ESR2: variants seen among roughly 807,000 people sequenced by gnomAD.
The protein encoded by ESR2 is estrogen receptor 2, also known as estrogen receptor beta.
Under a neutral mutation model 49.6 loss-of-function variants are expected in ESR2, and 36 were observed. The ratio of observed to expected loss-of-function variants is 0.73; its 90% CI spans 0.56 to 0.96. The LOEUF is 0.96. Among genes scored for constraint, ESR2 ranks in the 40% least tolerant of loss-of-function variants. The pLI is 0.00. For missense variants in ESR2, 714 were observed against 693.0 expected (o/e 1.03, Z -0.34); for synonymous variants, 320 against 266.1 (o/e 1.20, Z -1.97).
rs1372094859 is a variant in ESR2, at chr14:64,228,698, G to A, written c.*4439C>T. Among the ~76,000 whole-genome samples, 2 of 152,242 alleles carry A rather than the reference G, an allele frequency of 1.3e-5. No homozygotes were observed. Among genetic ancestry groups the A allele is most frequent in the Admixed American group, 6.5e-5 (1 of 15,294 alleles). On this transcript the variant is annotated 3_prime_UTR_variant, in exon 9 of 9. Coordinates refer to ENST00000341099, the MANE Select transcript of ESR2 (RefSeq NM_001437.3). ...CAGTTAACAGGAACTGTTCGCGGCT[G>A]GTATCACCACTCCTTATGTGCTTCC...
intron 1 of ESR2, among the ~76,000 whole-genome samples, chr14:64,284,484 A>G (rs1327595973): frequency 6.7e-6 from 1 of 148,500 alleles, no homozygotes; most frequent in Non-Finnish European, 1.5e-5. Context: ...ACACCACCAC[A>G]CTAATTTTTG....
intron 1 of ESR2, among the ~76,000 whole-genome samples, chr14:64,327,253 T>C (rs572232518): frequency 6.6e-6 from 1 of 152,240 alleles, no homozygotes; most frequent in South Asian, 2.1e-4. Flanking sequence ...AAAAGAAATG[T>C]CCCCTTTTAA....
intron 1 of ESR2, among the ~76,000 whole-genome samples, chr14:64,286,565 G>T (rs1378718582): frequency 6.6e-6 from 1 of 152,104 alleles, no homozygotes; most frequent in Non-Finnish European, 1.5e-5. Flanking sequence ...GCCTCCCAAA[G>T]TGCTGGGATT....
chr14:64,269,648 G>C (rs558806342), intron 3 of ESR2, among the ~76,000 whole-genome samples: 1 of 152,122 alleles, frequency 6.6e-6, no homozygotes, highest in Non-Finnish European at 1.5e-5. Flanking sequence ...GGGACATGTG[G>C]AACAGACCTG....
At chr14:64,269,570 G>C (rs1439567960) in intron 3 of ESR2, among the ~76,000 whole-genome samples, 2 of 152,164 alleles carry the variant, frequency 1.3e-5, no homozygotes, top group African/African-American at 4.8e-5. Context: ...CAATAGATGT[G>C]CTGCTCCAAC....
chr14:64,267,720 C>CA (rs550076289), intron 4 of ESR2, among the ~76,000 whole-genome samples: 13,006 of 133,690 alleles, frequency 0.097, 600 homozygotes, highest in Non-Finnish European at 0.11. Flanking sequence ...ACTAAAAATA[C>CA]AAAAAAAAAA....
chr14:64,259,466 G>T (rs138495197), intron 5 of ESR2, among the ~76,000 whole-genome samples: 100 of 152,348 alleles, frequency 6.6e-4, no homozygotes, highest in African/African-American at 2.3e-3. Context: ...GAACAGCATG[G>T]AGAAGCTGTC....
intron 4 of ESR2, among the ~76,000 whole-genome samples, chr14:64,267,120 T>C (rs1189773429): frequency 6.6e-6 from 1 of 152,172 alleles, no homozygotes; most frequent in Non-Finnish European, 1.5e-5. Flanking sequence ...ACCTCATGAT[T>C]TGCATGCCTT....
At chr14:64,301,060 T>C (rs1470880535) in intron 1 of ESR2, among the ~76,000 whole-genome samples, 2 of 152,188 alleles carry the variant, frequency 1.3e-5, no homozygotes, top group Non-Finnish European at 2.9e-5. Context: ...ATTTTACAGA[T>C]GAGAAGATTA....
intron 5 of ESR2, 49 bp downstream of exon 5, chr14:64,260,400 G>C: frequency 1.3e-6 from 2 of 1,489,168 alleles, no homozygotes; most frequent in Middle Eastern, 1.8e-4. Context: ...AATATTAGCG[G>C]CCGGCCTTTC....
In ESR2 at chr14:64,252,946, C is replaced by A. The variant is rs146838895; in HGVS notation, c.1092-3267G>T. On this transcript the variant is annotated intron_variant, in intron 6 of 8. Coordinates refer to ENST00000341099, the MANE Select transcript of ESR2 (RefSeq NM_001437.3). ...TCTCTGCTCTCTGCAACCTCCTCCT[C>A]CTAGGTTCAAGTGATTCTCCTGCCT... is the stretch of plus-strand genomic sequence containing the variant. Among the ~76,000 whole-genome samples, 81 of 152,210 alleles carry A rather than the reference C, an allele frequency of 5.3e-4. 1 individual carries two copies. In the East Asian group the frequency reaches 0.015, roughly 28 times the overall value.
In ESR2 at chr14:64,235,092, G is replaced by A; in HGVS notation, c.1284C>T (p.His428=). The A allele has an allele frequency of 1.2e-6, 2 of 1,614,220 alleles. No homozygotes were observed. Among genetic ancestry groups the A allele is most frequent in the Non-Finnish European group, 8.5e-7 (1 of 1,180,038 alleles). ...QDADSSRKLA[H]LLNAVTDALV... ...AAGCATCGGTCACGGCGTTCAGCAA[G>A]TGAGCCAGCTTCCGGCTGCTGTCAG... Residue 428 remains histidine, a synonymous_variant, in exon 8 of 9, where the codon CAC becomes CAT. Coordinates refer to ENST00000341099, the MANE Select transcript of ESR2 (RefSeq NM_001437.3).
chr14:64,227,358 A>G (rs2098722340), downstream of ESR2: 4 of 691,058 alleles, frequency 5.8e-6, no homozygotes, highest in Non-Finnish European at 7.2e-6. Context: ...ACAGTTATCA[A>G]ATTGTTGGAT....
At chr14:64,303,044 C>T (rs1006273239) in intron 1 of ESR2, among the ~76,000 whole-genome samples, 7 of 152,128 alleles carry the variant, frequency 4.6e-5, no homozygotes, top group African/African-American at 1.7e-4. Context: ...AGGTAATCCT[C>T]CTGCCATGGC....
intron 1 of ESR2, among the ~76,000 whole-genome samples, chr14:64,307,820 C>T (rs1204558076): frequency 1.3e-5 from 2 of 152,194 alleles, no homozygotes; most frequent in Non-Finnish European, 2.9e-5. Flanking sequence ...AGGCGTGAGC[C>T]ACCATGCCCG....
In ESR2 at chr14:64,229,537, C is replaced by G. The variant is rs181936723; in HGVS notation, c.*3600G>C. On this transcript the variant is annotated 3_prime_UTR_variant, in exon 9 of 9. Transcript: ENST00000341099. ...AGGTAAGGGGGTATCACAAGGGGGCCCCATTTAAATCACAGCAGCCGTGCA... is the reference window on the plus strand; with the variant it reads ...AGGTAAGGGGGTATCACAAGGGGGCGCCATTTAAATCACAGCAGCCGTGCA... 6.6e-6 allele frequency among the ~76,000 whole-genome samples: 1 copy of G among 152,036 alleles called. No individual in the cohort carries two copies. Among genetic ancestry groups the G allele is most frequent in the Admixed American group, 6.6e-5 (1 of 15,250 alleles).
intron 3 of ESR2, among the ~76,000 whole-genome samples, chr14:64,270,702 G>A (rs2076427770): frequency 6.6e-6 from 1 of 152,200 alleles, no homozygotes; most frequent in South Asian, 2.1e-4. Context: ...TAGAGACGGG[G>A]TTTGGCCGTG....
At chr14:64,245,119 T>C (rs1029664218) in intron 7 of ESR2, among the ~76,000 whole-genome samples, 1 of 152,128 alleles carries the variant, frequency 6.6e-6, no homozygotes, top group South Asian at 2.1e-4. Context: ...AAACCTAGCA[T>C]AGAAAAGACT....
At chr14:64,302,187 TA>T in intron 1 of ESR2, among the ~76,000 whole-genome samples, 2 of 150,020 alleles carry the variant, frequency 1.3e-5, no homozygotes, top group East Asian at 3.9e-4. Context: ...TTTATTTATT[TA>T]TTTATTTATT....
Sources: gnomAD v4.1 joint callset for allele counts (sites outside exome capture counted in the v4.1 genomes callset) on GRCh38, gnomAD v4.1.1 for gene constraint, MANE v1.5 for transcripts, NCBI Gene and HGNC (gene_info 2026-07-23, HGNC 2026-07-21) for gene names.